ZNF248: variants seen among roughly 807,000 people sequenced by gnomAD.
ZNF248 encodes the protein zinc finger protein 248.
Under a neutral mutation model 44.3 loss-of-function variants are expected in ZNF248, and 20 were observed. The ratio of observed to expected loss-of-function variants is 0.45; its 90% CI spans 0.32 to 0.66. ZNF248 has a LOEUF of 0.66. ZNF248 is among the 30% of genes least tolerant of loss of function. The pLI, the probability that ZNF248 is intolerant of heterozygous loss-of-function variation, is 0.04. For missense variants in ZNF248, 654 were observed against 677.0 expected, an observed-to-expected ratio of 0.97 and a Z score of 0.38; for synonymous variants, 224 against 229.0, an observed-to-expected ratio of 0.98 and a Z score of 0.20.
chr10:37,846,991 A>G (rs1283295090), intron 3 of ZNF248, among the ~76,000 whole-genome samples: 3 of 152,196 alleles, frequency 2.0e-5, no homozygotes, highest in Admixed American at 6.5e-5. Flanking sequence ...ATACATTAAG[A>G]AATTTTCAAA....
At chr10:37,813,785 G>A (rs1034385036) in intron 6 of ZNF248, among the ~76,000 whole-genome samples, 1 of 151,970 alleles carries the variant, frequency 6.6e-6, no homozygotes, top group African/African-American at 2.4e-5. Flanking sequence ...TCTGTGTTGG[G>A]GGTCAGTGCC....
chr10:37,834,151 A>G (rs1235717349), intron 5 of ZNF248, among the ~76,000 whole-genome samples: 2 of 152,160 alleles, frequency 1.3e-5, no homozygotes, highest in Admixed American at 1.3e-4. Context: ...ACAAAAACTA[A>G]TAATAGTAAT....
intron 6 of ZNF248, among the ~76,000 whole-genome samples, chr10:37,782,461 T>C (rs1391077230): frequency 6.6e-6 from 1 of 151,636 alleles, no homozygotes; most frequent in African/African-American, 2.4e-5. Flanking sequence ...TTGGTGGGGG[T>C]TGGGGGGCAG....
At chr10:37,838,192 A>G (rs2057626169) in intron 3 of ZNF248, 81 bp from the exon 4 acceptor site, 1 of 1,358,840 alleles carries the variant, frequency 7.4e-7, no homozygotes, top group Non-Finnish European at 9.9e-7. Context: ...ATCTCTTTAG[A>G]GTTTACTAAA....
chr10:37,820,202 T>G, intron 6 of ZNF248: 2 of 1,279,768 alleles, frequency 1.6e-6, no homozygotes, highest in Non-Finnish European at 2.3e-6. Flanking sequence ...ATATTTTTTA[T>G]ATTGTGAGGT....
chr10:37,773,988 T>TACACACACACACACACAC (rs139568981), downstream of ZNF248, among the ~76,000 whole-genome samples: 18 of 149,254 alleles, frequency 1.2e-4, no homozygotes, highest in Admixed American at 5.4e-4. Context: ...TGAAAATGAA[T>TACACACACACACACACAC]ACACACACAC....
In ZNF248 at chr10:37,832,951, T is replaced by C. The variant is rs368530890; in HGVS notation, c.404A>G (p.Tyr135Cys). 11 of 1,613,544 alleles carry C rather than the reference T, an allele frequency of 6.8e-6. No homozygotes were observed. The highest frequency in any genetic ancestry group is 1.3e-5 in the African/African-American group (1 of 74,914). The change falls in exon 6 of 6, where the codon TAT (tyrosine) becomes TGT (cysteine). Residue 135 changes from tyrosine to cysteine, a missense_variant. Tyr to Cys is a radical substitution (Grantham distance 194, BLOSUM62 -2). Transcript: ENST00000395867. ...ACATGAGTCACATATTTTATAGGGA[T>C]AATTTCTTAAAGAAACAGGGTCTGT... ...LGTDPVSLRN[Y>C]PYKICDSCEM...
chr10:37,818,925 C>G (rs190718661), intron 6 of ZNF248: 1 of 1,103,510 alleles, frequency 9.1e-7, no homozygotes. Flanking sequence ...TCACACCCAC[C>G]GACCACACAA....
At chr10:37,802,191 G>A (rs2049920201) in intron 6 of ZNF248, among the ~76,000 whole-genome samples, 1 of 152,108 alleles carries the variant, frequency 6.6e-6, no homozygotes, top group Admixed American at 6.6e-5. Context: ...AAACAAAGTG[G>A]GAATAAACAA....
At chr10:37,820,442 G>A in intron 6 of ZNF248, 2 of 1,576,716 alleles carry the variant, frequency 1.3e-6, no homozygotes, top group Admixed American at 3.4e-5. Context: ...CTCCTTTGCA[G>A]TGCTGCCATC....
At chr10:37,826,117 G>A (rs2054348609), downstream of ZNF248, among the ~76,000 whole-genome samples, 1 of 152,108 alleles carries the variant, frequency 6.6e-6, no homozygotes, top group African/African-American at 2.4e-5. Context: ...AAACTAACAT[G>A]GAAAACTGGT....
the ZNF248 span, among the ~76,000 whole-genome samples, chr10:37,763,336 T>G: frequency 5.3e-5 from 8 of 152,220 alleles, no homozygotes. Flanking sequence ...GGTGCTAATT[T>G]TCTCAGTAGA....
downstream of ZNF248, among the ~76,000 whole-genome samples, chr10:37,774,145 C>T (rs532533229): frequency 1.3e-5 from 2 of 152,172 alleles, no homozygotes; most frequent in East Asian, 3.9e-4. Flanking sequence ...TGACAGCCAC[C>T]AGAAGAAATG....
chr10:37,823,333 C>CAAAAAAAAAAAA (rs60957023), intron 6 of ZNF248, among the ~76,000 whole-genome samples: 5 of 17,536 alleles, frequency 2.9e-4, no homozygotes, highest in Admixed American at 1.0e-3. Context: ...ACTCCGTCTC[C>CAAAAAAAAAAAA]AAAAAAAAAA....
chr10:37,820,158 C>T, intron 6 of ZNF248: 2 of 1,162,106 alleles, frequency 1.7e-6, no homozygotes, highest in East Asian at 2.4e-5. Flanking sequence ...TTCCCTCCTT[C>T]TTAAGTCAGA....
intron 6 of ZNF248, among the ~76,000 whole-genome samples, chr10:37,790,570 C>G (rs546297141): frequency 8.1e-4 from 122 of 151,348 alleles, no homozygotes; most frequent in Non-Finnish European, 1.3e-3. Flanking sequence ...ATTAGCTGGG[C>G]GTAGTGGCGC....
At chr10:37,838,325 C>T (rs942773348) in intron 3 of ZNF248, among the ~76,000 whole-genome samples, 1 of 152,158 alleles carries the variant, frequency 6.6e-6, no homozygotes, top group East Asian at 1.9e-4. Flanking sequence ...CTGGTGAAAA[C>T]AGACAAACAT....
Position 37,830,994 on chromosome 10 carries a change from G to A in ZNF248, c.*621C>T. On this transcript the variant is annotated 3_prime_UTR_variant, in exon 6 of 6. Coordinates refer to ENST00000395867, the MANE Select transcript of ZNF248 (RefSeq NM_021045.3). ...TTTAAGTCAGTATGAGGTTATACTA[G>A]CACATCACTATATTTAAGTATGTGT... 1 of 733,514 alleles carries A rather than the reference G, an allele frequency of 1.4e-6. No individual in the cohort carries two copies. Among genetic ancestry groups the A allele is most frequent in the Non-Finnish European group, 1.8e-6 (1 of 564,688 alleles). The allele number at this position is 733,514 out of a possible 1,614,324, so 45.4% of individuals were successfully genotyped here.
Position 37,857,391 on chromosome 10 carries a change from GC to G in ZNF248, c.-333del, listed in dbSNP as rs1393263967. 1 of 152,266 alleles carries G rather than the reference GC, an allele frequency of 6.6e-6. No homozygotes were observed. Among genetic ancestry groups the G allele is most frequent in the Non-Finnish European group, 1.5e-5 (1 of 68,094 alleles). 9.4% of individuals were successfully genotyped at this position (152,266 alleles called of 1,614,324 possible). On this transcript the variant is annotated 5_prime_UTR_variant, in exon 1 of 6. Coordinates refer to ENST00000395867, the MANE Select transcript of ZNF248 (RefSeq NM_021045.3). The stretch of plus-strand genomic sequence containing the variant: ...GCTCCTGCACTCCACGGGCAGAGAG[GC>G]CCTTGGGGCCGGTGCAGGAGCCGTC...
Sources: allele counts gnomAD v4.1 joint callset (sites outside exome capture counted in the v4.1 genomes callset), GRCh38; gene constraint gnomAD v4.1.1; transcripts MANE v1.5; gene names NCBI Gene and HGNC (gene_info 2026-07-23, HGNC 2026-07-21).